ITPR1: variants seen among roughly 807,000 people sequenced by gnomAD.
ITPR1 encodes the protein inositol 1,4,5-trisphosphate-gated calcium channel ITPR1.
In ITPR1, 96 loss-of-function variants were observed where a neutral mutation model predicts 318.4. That is an observed-to-expected ratio of 0.30 (90% CI 0.26 to 0.36). The LOEUF is 0.36. Among genes scored for constraint, ITPR1 ranks in the 10% least tolerant of loss-of-function variants. ITPR1 has a pLI of 1.00. For synonymous variants in ITPR1, 1,312 were observed against 1,289.9 expected (o/e 1.02, Z -0.37); for missense variants, 2,440 against 3,460.2 (o/e 0.71, Z 7.40).
chr3:4,717,489 CTCACAGCGTCGA>C (rs2041858196), intron 40 of ITPR1, 90 bp downstream of exon 40: 1 of 1,028,958 alleles, frequency 9.7e-7, no homozygotes, highest in Non-Finnish European at 1.5e-6. Flanking sequence ...TTCCTCTAGT[CTCACAGCGTCGA>C]GTATCTGGCT....
chr3:4,609,047 A>G, intron 4 of ITPR1, among the ~76,000 whole-genome samples: 1 of 56,750 alleles, frequency 1.8e-5, no homozygotes, highest in African/African-American at 6.0e-5. Flanking sequence ...AACAACAACA[A>G]CGAAATATAT....
intron 21 of ITPR1, 88 bp downstream of exon 21, chr3:4,673,475 G>A: frequency 7.8e-7 from 1 of 1,285,400 alleles, no homozygotes; most frequent in Non-Finnish European, 1.0e-6. Flanking sequence ...TTAGAAGAAA[G>A]ATGAAGTGTT....
chr3:4,812,787 G>C (rs963838846), intron 56 of ITPR1, among the ~76,000 whole-genome samples: 1 of 152,172 alleles, frequency 6.6e-6, no homozygotes, highest in Non-Finnish European at 1.5e-5. Context: ...CTGGACCTTG[G>C]ATTTCTATTA....
intron 16 of ITPR1, among the ~76,000 whole-genome samples, chr3:4,664,134 G>T (rs879569329): frequency 5.5e-4 from 84 of 152,144 alleles, no homozygotes; most frequent in African/African-American, 2.0e-3. Context: ...TCATACATTT[G>T]GGAGATTTGG....
At chr3:4,523,159 G>A (rs554925866) in intron 4 of ITPR1, among the ~76,000 whole-genome samples, 145 of 152,276 alleles carry the variant, frequency 9.5e-4, no homozygotes, top group African/African-American at 3.3e-3. Flanking sequence ...ATATGCGTCC[G>A]GAAGGCATTG....
chr3:4,717,241 G>T, intron 39 of ITPR1, 126 bp from the exon 40 acceptor site: 1 of 827,122 alleles, frequency 1.2e-6, no homozygotes, highest in South Asian at 1.6e-5. Flanking sequence ...CTCTTAGGAT[G>T]GTTACCCATC....
At chr3:4,677,202 A>G (rs1221070110) in intron 24 of ITPR1, among the ~76,000 whole-genome samples, 1 of 152,152 alleles carries the variant, frequency 6.6e-6, no homozygotes, top group African/African-American at 2.4e-5. Flanking sequence ...TCAATCAACA[A>G]ATATTTATTG....
At chr3:4,654,032 T>A in intron 12 of ITPR1, 146 bp downstream of exon 12, 1 of 608,678 alleles carries the variant, frequency 1.6e-6, no homozygotes, top group Non-Finnish European at 2.9e-6. Context: ...TCATGTTCTG[T>A]GCTTCCCTTG....
chr3:4,613,053 C>G (rs2092228012), intron 4 of ITPR1, among the ~76,000 whole-genome samples: 1 of 152,114 alleles, frequency 6.6e-6, no homozygotes, highest in African/African-American at 2.4e-5. Context: ...GACATGGGCC[C>G]AAGGTGGTTG....
chr3:4,512,692 A>G (rs2124907612), intron 2 of ITPR1, among the ~76,000 whole-genome samples: 1 of 152,324 alleles, frequency 6.6e-6, no homozygotes, highest in Admixed American at 6.5e-5. Flanking sequence ...TAACTAGCAT[A>G]GATTAATTCA....
At chr3:4,630,885 C>T (rs1351591456) in intron 5 of ITPR1, among the ~76,000 whole-genome samples, 1 of 152,072 alleles carries the variant, frequency 6.6e-6, no homozygotes, top group Non-Finnish European at 1.5e-5. Context: ...CCGTGCTCAG[C>T]CCTGTCAGCA....
rs142895790 is a variant in ITPR1 at position 4,749,027 on chromosome 3, A to G, written c.5544+13673A>G. 1.1e-4 allele frequency among the ~76,000 whole-genome samples: 16 copies of G among 152,326 alleles called. No homozygotes were observed. The East Asian group carries it at 2.7e-3, about 26-fold the overall frequency. On this transcript the variant is annotated intron_variant, in intron 44 of 61. Coordinates refer to ENST00000649015, the MANE Select transcript of ITPR1 (RefSeq NM_001378452.1). ...AGATGGGCTGATGCGCTTCGGTGAC[A>G]TGACCCAGAACCAGGCACTGGGCAG...
intron 4 of ITPR1, among the ~76,000 whole-genome samples, chr3:4,574,765 A>T (rs1176362608): frequency 6.6e-6 from 1 of 152,256 alleles, no homozygotes; most frequent in Non-Finnish European, 1.5e-5. Flanking sequence ...TGATAATGTC[A>T]TGGGATTGGA....
At chr3:4,501,062 G>C (rs764906822) in intron 2 of ITPR1, among the ~76,000 whole-genome samples, 1 of 151,776 alleles carries the variant, frequency 6.6e-6, no homozygotes, top group Non-Finnish European at 1.5e-5. Flanking sequence ...GGGTCTCCCT[G>C]TATTGTCCAG....
chr3:4,680,702 C>T lies in ITPR1; in HGVS notation c.3106+11C>T, dbSNP rs1389198498. On this transcript the variant is annotated intron_variant, in intron 25 of 61. Coordinates refer to ENST00000649015, the MANE Select transcript of ITPR1 (RefSeq NM_001378452.1). ...CAAGTAATGTACCAGGTTAGTGATT[C>T]AGAATGGAATTTCAGCCATAGAATG... 6.2e-7 allele frequency: 1 copy of T among 1,601,978 alleles called. No homozygotes were observed. Among genetic ancestry groups the T allele is most frequent in the Non-Finnish European group, 8.5e-7 (1 of 1,173,628 alleles).
At position 4,670,505 on chromosome 3, in the gene ITPR1, G is replaced by A. The variant is rs151125701; in HGVS notation, c.2007-224G>A. 3.0e-3 allele frequency among the ~76,000 whole-genome samples: 450 copies of A among 152,270 alleles called. 2 individuals are homozygous for A. Among genetic ancestry groups the A allele is most frequent in the African/African-American group, 1.0e-2 (414 of 41,546 alleles). Reference sequence around the variant, plus strand: ...TTTCGGTTGTGACAACCAAAAACCTGTCCAGAGACATTGCCTGGTGTCCAC... The same window carrying A: ...TTTCGGTTGTGACAACCAAAAACCTATCCAGAGACATTGCCTGGTGTCCAC... On this transcript the variant is annotated intron_variant, in intron 19 of 61. Transcript: ENST00000649015.
chr3:4,527,400 T>C (rs999652192), intron 4 of ITPR1, among the ~76,000 whole-genome samples: 30 of 152,186 alleles, frequency 2.0e-4, no homozygotes, highest in African/African-American at 7.0e-4. Context: ...GGTCTTGAAC[T>C]CATGGCCCCA....
intron 53 of ITPR1, among the ~76,000 whole-genome samples, chr3:4,797,995 A>AT (rs2048000004): frequency 6.6e-6 from 1 of 152,174 alleles, no homozygotes; most frequent in South Asian, 2.1e-4. Context: ...TCTAGAGTTG[A>AT]TTTTTTGGAA....
chr3:4,597,052 G>C (rs1232394072), intron 4 of ITPR1, among the ~76,000 whole-genome samples: 1 of 152,220 alleles, frequency 6.6e-6, no homozygotes, highest in Non-Finnish European at 1.5e-5. Context: ...GAACTATGTG[G>C]CCTGTCTGAA....
Sources: allele counts gnomAD v4.1 joint callset (sites outside exome capture counted in the v4.1 genomes callset), GRCh38; gene constraint gnomAD v4.1.1; transcripts MANE v1.5; gene names NCBI Gene and HGNC (gene_info 2026-07-23, HGNC 2026-07-21).